Variants in HIP1 observed in about 807,000 individuals in gnomAD.
HIP1 encodes huntingtin interacting protein 1, also known as huntingtin-interacting protein 1.
Under a neutral mutation model 147.6 loss-of-function variants are expected in HIP1, and 65 were observed. The observed-to-expected ratio is 0.44, with a 90% CI of 0.36 to 0.54. The LOEUF (loss-of-function observed/expected upper bound fraction) is 0.54, where lower values mean the gene tolerates loss of function less well. Among genes scored for constraint, HIP1 ranks in the 20% least tolerant of loss-of-function variants. The pLI, the probability that HIP1 is intolerant of heterozygous loss-of-function variation, is 0.00. For missense variants in HIP1, 1,061 were observed against 1,299.6 expected (o/e 0.82, Z 2.82); for synonymous variants, 479 against 504.0 (o/e 0.95, Z 0.67).
intron 1 of HIP1, among the ~76,000 whole-genome samples, chr7:75,684,887 C>G (rs1312407092): frequency 2.0e-5 from 3 of 151,910 alleles, no homozygotes; most frequent in African/African-American, 7.3e-5. Context: ...GTCAGGAGAT[C>G]GAGACCATCC....
intron 1 of HIP1, among the ~76,000 whole-genome samples, chr7:75,624,936 AT>A (rs57832648): frequency 0.035 from 4,874 of 139,054 alleles, 190 homozygotes; most frequent in African/African-American, 0.11. Flanking sequence ...TTTTTGTTTA[AT>A]TTTTTTTTTT....
intron 1 of HIP1, chr7:75,626,566 A>G (rs587654936): frequency 5.7e-4 from 87 of 152,326 alleles, no homozygotes; most frequent in African/African-American, 2.0e-3. Flanking sequence ...TCCCCACTGT[A>G]CAAGAGGGAA....
intron 21 of HIP1, 69 bp from the exon 22 acceptor site, chr7:75,553,658 T>C: frequency 1.4e-6 from 2 of 1,464,032 alleles, no homozygotes; most frequent in Non-Finnish European, 1.9e-6. Flanking sequence ...CAGGCTGGAG[T>C]GCAGTGGCGC....
chr7:75,598,308 A>G (rs587758998), intron 2 of HIP1, among the ~76,000 whole-genome samples: 88 of 151,996 alleles, frequency 5.8e-4, no homozygotes, highest in African/African-American at 2.0e-3. Context: ...GAGGCACAAG[A>G]ATCGCTTGAA....
At chr7:75,695,243 G>A (rs1800596555) in intron 1 of HIP1, among the ~76,000 whole-genome samples, 2 of 152,258 alleles carry the variant, frequency 1.3e-5, no homozygotes, top group Admixed American at 6.5e-5. Context: ...ACTCTCACTG[G>A]GGACTCCTAA....
At chr7:75,700,775 G>A (rs1450924327) in intron 1 of HIP1, among the ~76,000 whole-genome samples, 2 of 151,502 alleles carry the variant, frequency 1.3e-5, no homozygotes, top group East Asian at 3.9e-4. Context: ...GCGCGATCTC[G>A]GCTCACTGCA....
chr7:75,589,808 G>A (rs1313273918), intron 4 of HIP1, among the ~76,000 whole-genome samples: 1 of 144,864 alleles, frequency 6.9e-6, no homozygotes, highest in Non-Finnish European at 1.5e-5. Context: ...TCGGCTCACT[G>A]TGAACTCCGC....
intron 1 of HIP1, among the ~76,000 whole-genome samples, chr7:75,618,962 C>T (rs1293061198): frequency 2.0e-5 from 3 of 152,146 alleles, no homozygotes; most frequent in Admixed American, 6.6e-5. Context: ...TCCCACCCAA[C>T]ATCCTTGACA....
intron 1 of HIP1, among the ~76,000 whole-genome samples, chr7:75,600,920 T>C (rs1484818197): frequency 6.6e-6 from 1 of 151,886 alleles, no homozygotes; most frequent in Non-Finnish European, 1.5e-5. Flanking sequence ...GACACCATGC[T>C]CAGTTATTTT....
chr7:75,534,475 C>G lies in HIP1; in HGVS notation c.*3697G>C, dbSNP rs148560744. ...TTGAGATGGAGTCTCACTCTGTGAC[C>G]CAGGCTGGAGTGCAGTGGTGCGATC... On this transcript the variant is annotated 3_prime_UTR_variant, in exon 31 of 31. Transcript: ENST00000336926. 1,456 of 179,926 alleles carry G rather than the reference C, an allele frequency of 8.1e-3. 39 individuals are homozygous for G. Among genetic ancestry groups the G allele is most frequent in the Admixed American group, 0.052 (827 of 15,838 alleles). The allele number at this position is 179,926 out of a possible 1,614,324, so 11.1% of individuals were successfully genotyped here.
At chr7:75,619,075 C>G (rs1180120828) in intron 1 of HIP1, among the ~76,000 whole-genome samples, 2 of 152,146 alleles carry the variant, frequency 1.3e-5, no homozygotes, top group African/African-American at 4.8e-5. Context: ...ATCTGAGAAT[C>G]CTGTACCCCG....
intron 1 of HIP1, among the ~76,000 whole-genome samples, chr7:75,667,332 A>G (rs1799592460): frequency 6.6e-6 from 1 of 152,220 alleles, no homozygotes; most frequent in Admixed American, 6.6e-5. Context: ...GGCTTCTTAG[A>G]AAAGTGTTAA....
rs899406902 is a variant in HIP1 at position 75,610,126 on chromosome 7, C to T, written c.121-10879G>A. On this transcript the variant is annotated intron_variant, in intron 1 of 30. Transcript: ENST00000336926. ...CCATGTTGGCCAGGCTGGTCTTGAA[C>T]TCCTGACCTCAGGTAATCCACCTGT... Among the ~76,000 whole-genome samples the T allele has an allele frequency of 2.6e-5, 4 of 151,656 alleles. No homozygotes were observed. The East Asian group carries it at 7.7e-4, about 29-fold the overall frequency.
intron 8 of HIP1, among the ~76,000 whole-genome samples, chr7:75,571,822 G>A (rs940574123): frequency 1.3e-5 from 2 of 152,096 alleles, no homozygotes; most frequent in East Asian, 1.9e-4. Flanking sequence ...GAGCTCAAGC[G>A]ATCTGCCTGC....
chr7:75,645,642 A>G (rs1358191049), intron 1 of HIP1, among the ~76,000 whole-genome samples: 1 of 152,214 alleles, frequency 6.6e-6, no homozygotes, highest in East Asian at 1.9e-4. Flanking sequence ...CTGCACTCGT[A>G]TGTTCATCAA....
intron 11 of HIP1, 108 bp downstream of exon 11, chr7:75,562,827 C>T: frequency 8.8e-7 from 1 of 1,141,298 alleles, no homozygotes; most frequent in East Asian, 2.5e-5. Flanking sequence ...TGAAGAGAAG[C>T]CTGAACCTGG....
chr7:75,703,326 C>A (rs538746835), intron 1 of HIP1, among the ~76,000 whole-genome samples: 1 of 151,806 alleles, frequency 6.6e-6, no homozygotes, highest in East Asian at 1.9e-4. Context: ...CCAGCCTGGG[C>A]AACAGAGCAA....
At chr7:75,676,254 T>C (rs2705809) in intron 1 of HIP1, among the ~76,000 whole-genome samples, 86,014 of 152,024 alleles carry the variant, frequency 0.57, 24,830 homozygotes, top group African/African-American at 0.66. Context: ...CCTTAACCTC[T>C]TGGAACCAAC....
chr7:75,683,726 A>C (rs1183117942), intron 1 of HIP1, among the ~76,000 whole-genome samples: 1 of 152,198 alleles, frequency 6.6e-6, no homozygotes, highest in African/African-American at 2.4e-5. Context: ...GGCATTGTAG[A>C]AAAAAGGACA....
Sources: gnomAD v4.1 joint callset for allele counts (sites outside exome capture counted in the v4.1 genomes callset) on GRCh38, gnomAD v4.1.1 for gene constraint, MANE v1.5 for transcripts, NCBI Gene and HGNC (gene_info 2026-07-23, HGNC 2026-07-21) for gene names.